Variants in CCND1 observed in about 807,000 individuals in gnomAD.
The protein encoded by CCND1 is G1/S-specific cyclin-D1.
In CCND1, 9 loss-of-function variants were observed where a neutral mutation model predicts 26.1. The ratio of observed to expected loss-of-function variants is 0.35; its 90% CI spans 0.21 to 0.60. The LOEUF (loss-of-function observed/expected upper bound fraction) is 0.60, where lower values mean the gene tolerates loss of function less well. Among genes scored for constraint, CCND1 ranks in the 20% least tolerant of loss-of-function variants. CCND1 has a pLI of 0.79. For synonymous variants in CCND1, 194 were observed against 166.1 expected (o/e 1.17, Z -1.29); for missense variants, 335 against 392.9 (o/e 0.85, Z 1.25).
rs1481186183 is a variant in CCND1, at chr11:69,654,470, C to T, written c.*3188C>T. ...AAGTCTAGAAATAAAACTGGTAAAA[C>T]CCCAGCGTGGTGCCTGCCTCTTTGC... is the stretch of plus-strand genomic sequence containing the variant. On this transcript the variant is annotated 3_prime_UTR_variant, in exon 5 of 5. Coordinates refer to ENST00000227507, the MANE Select transcript of CCND1 (RefSeq NM_053056.3). This position sits in a 1 kb window ranked among gnomAD's most constrained non-coding sequence, Gnocchi z 6.3. 2 of 646,696 alleles carry T rather than the reference C, an allele frequency of 3.1e-6. No homozygotes were observed. Among genetic ancestry groups the T allele is most frequent in the Non-Finnish European group, 5.6e-6 (2 of 355,008 alleles). The allele number at this position is 646,696 out of a possible 1,614,324, so 40.1% of individuals were successfully genotyped here.
At position 69,651,332 on chromosome 11, in the gene CCND1, G is replaced by A. The variant is rs745993963; in HGVS notation, c.*50G>A. ...CGCCACCCGCAGCGAGGGCGGAGCCGGCCCCAGGTGCTCCCCTGACAGTCC... is the reference window on the plus strand; with the variant it reads ...CGCCACCCGCAGCGAGGGCGGAGCCAGCCCCAGGTGCTCCCCTGACAGTCC... On this transcript the variant is annotated 3_prime_UTR_variant, in exon 5 of 5. Transcript: ENST00000227507. The A allele has an allele frequency of 5.9e-5, 83 of 1,398,008 alleles. 1 individual carries two copies. The highest frequency in any genetic ancestry group is 7.5e-5 in the Non-Finnish European group (80 of 1,068,666). The allele number at this position is 1,398,008 out of a possible 1,614,324, so 86.6% of individuals were successfully genotyped here. A position where few individuals can be genotyped will look rare whatever the true frequency, so the allele number is the denominator to read the frequency against.
rs969740984 is a variant in CCND1, at chr11:69,653,185, C to T, written c.*1903C>T. On this transcript the variant is annotated 3_prime_UTR_variant, in exon 5 of 5. Coordinates refer to ENST00000227507, the MANE Select transcript of CCND1 (RefSeq NM_053056.3). ...GGAGGAGGTGTGAGGAGGAGGCTCC[C>T]GAGGGGAAGGGGCGGTGCCCACACC... 8.2e-5 allele frequency: 54 copies of T among 661,700 alleles called. 1 individual carries two copies. The highest frequency in any genetic ancestry group is 1.3e-4 in the Non-Finnish European group (47 of 365,692). The allele number at this position is 661,700 out of a possible 1,614,324, so 41.0% of individuals were successfully genotyped here. A position where few individuals can be genotyped will look rare whatever the true frequency, so the allele number is the denominator to read the frequency against.
chr11:69,651,871 A>T lies in CCND1; in HGVS notation c.*589A>T, dbSNP rs1855860361. 8.6e-6 allele frequency: 2 copies of T among 233,130 alleles called. No homozygotes were observed. Among genetic ancestry groups the T allele is most frequent in the Non-Finnish European group, 1.7e-5 (2 of 117,978 alleles). The allele number at this position is 233,130 out of a possible 1,614,324, so 14.4% of individuals were successfully genotyped here. On this transcript the variant is annotated 3_prime_UTR_variant, in exon 5 of 5. Transcript: ENST00000227507. ...TTGCTCATATGCATGTAGTCACTTT[A>T]TAAGTCATTGTATGTTATTATATTC... is the stretch of plus-strand genomic sequence containing the variant.
intron 4 of CCND1, 69 bp from the exon 5 acceptor site, chr11:69,651,049 A>ACCT: frequency 6.8e-7 from 1 of 1,469,088 alleles, no homozygotes. Context: ...GCACCTGGGA[A>ACCT]GGGGCCCTCG....
At chr11:69,643,310 G>A (rs1855734619) in intron 2 of CCND1, 64 bp downstream of exon 2, 2 of 1,374,502 alleles carry the variant, frequency 1.5e-6, no homozygotes, top group Non-Finnish European at 2.0e-6. Flanking sequence ...CGGGGCCGGG[G>A]AAGGTGCAGG....
In CCND1 at chr11:69,652,468, C is replaced by T. The variant is rs757572186; in HGVS notation, c.*1186C>T. On this transcript the variant is annotated 3_prime_UTR_variant, in exon 5 of 5. Transcript: ENST00000227507. ...TGGAGGTGGGGTGTTTGGGAGGCTGCGTGCCAGTCAAGAAGAAAAAGGTTT... is the reference window on the plus strand; with the variant it reads ...TGGAGGTGGGGTGTTTGGGAGGCTGTGTGCCAGTCAAGAAGAAAAAGGTTT... 4.3e-5 allele frequency: 10 copies of T among 233,348 alleles called. No individual in the cohort carries two copies. Among genetic ancestry groups the T allele is most frequent in the Non-Finnish European group, 6.8e-5 (8 of 118,070 alleles). 14.5% of individuals were successfully genotyped at this position (233,348 alleles called of 1,614,324 possible).
chr11:69,643,023 C>T lies in CCND1; in HGVS notation c.199-8C>T, dbSNP rs1420743674. The T allele has an allele frequency of 1.3e-6, 2 of 1,565,858 alleles. No individual in the cohort carries two copies. Among genetic ancestry groups the T allele is most frequent in the Middle Eastern group, 1.8e-4 (1 of 5,710 alleles). On this transcript the variant is annotated splice_polypyrimidine_tract_variant and splice_region_variant and intron_variant, in intron 1 of 4. Coordinates refer to ENST00000227507, the MANE Select transcript of CCND1 (RefSeq NM_053056.3). The stretch of plus-strand genomic sequence containing the variant: ...GCGGCGGCGGTCACGGGCCCCGTGC[C>T]TCCGTAGGTCTGCGAGGAACAGAAG...
Position 69,648,016 on chromosome 11 carries a change from G to A in CCND1, c.597G>A (p.Pro199=), listed in dbSNP as rs150331368. ...CATDVKFISN[P]PSMVAAGSVV... ...CAGATGTGAAGTTCATTTCCAATCCGCCCTCCATGGTGGCAGCGGGGAGCG... is the reference window on the plus strand; with the variant it reads ...CAGATGTGAAGTTCATTTCCAATCCACCCTCCATGGTGGCAGCGGGGAGCG... Residue 199 remains proline, a synonymous_variant, in exon 4 of 5, where the codon CCG becomes CCA. Coordinates refer to ENST00000227507, the MANE Select transcript of CCND1 (RefSeq NM_053056.3). 8.6e-5 allele frequency: 138 copies of A among 1,613,906 alleles called. No homozygotes were observed. The East Asian group carries it at 2.6e-3, about 30-fold the overall frequency.
chr11:69,643,162 C>G lies in CCND1; in HGVS notation c.330C>G (p.Ala110=), dbSNP rs756875904. Residue 110 remains alanine, a synonymous_variant, in exon 2 of 5, where the codon GCC becomes GCG. Coordinates refer to ENST00000227507, the MANE Select transcript of CCND1 (RefSeq NM_053056.3). ...QLLGATCMFV[A]SKMKETIPLT... is the part of the protein sequence containing the mutation. ...TGGGGGCCACTTGCATGTTCGTGGCCTCTAAGATGAAGGAGACCATCCCCC... is the reference window on the plus strand; with the variant it reads ...TGGGGGCCACTTGCATGTTCGTGGCGTCTAAGATGAAGGAGACCATCCCCC... 6.2e-6 allele frequency: 10 copies of G among 1,609,246 alleles called. No individual in the cohort carries two copies. The South Asian group carries it at 1.1e-4, about 18-fold the overall frequency.
chr11:69,645,778 G>T lies in CCND1; in HGVS notation c.574+1787G>T, dbSNP rs1183741449. Among the ~76,000 whole-genome samples, 35 of 152,200 alleles carry T rather than the reference G, an allele frequency of 2.3e-4. 2 individuals are homozygous for T. Among genetic ancestry groups the T allele is most frequent in the Admixed American group, 2.2e-3 (34 of 15,286 alleles). Reference sequence around the variant, plus strand: ...TGTTTTTGCCCTCCACGTGGCAAAGGTTACATTTAAAGGTGATGCTGGGTG... The same window carrying T: ...TGTTTTTGCCCTCCACGTGGCAAAGTTTACATTTAAAGGTGATGCTGGGTG... On this transcript the variant is annotated intron_variant, in intron 3 of 4. Coordinates refer to ENST00000227507, the MANE Select transcript of CCND1 (RefSeq NM_053056.3).
chr11:69,649,195 C>T lies in CCND1; in HGVS notation c.723+1053C>T, dbSNP rs575869199. On this transcript the variant is annotated intron_variant, in intron 4 of 4. Coordinates refer to ENST00000227507, the MANE Select transcript of CCND1 (RefSeq NM_053056.3). Reference sequence around the variant, plus strand: ...AAATGGCTCAGAAACACCATCGAGGCCTCCAGAAGCCCAGCAAAGAGAAAG... The same window carrying T: ...AAATGGCTCAGAAACACCATCGAGGTCTCCAGAAGCCCAGCAAAGAGAAAG... Among the ~76,000 whole-genome samples the T allele has an allele frequency of 8.3e-4, 126 of 152,302 alleles. 1 individual carries two copies. In the Middle Eastern group the frequency reaches 0.02, roughly 25 times the overall value.
intron 3 of CCND1, among the ~76,000 whole-genome samples, chr11:69,646,789 A>G (rs1212151826): frequency 6.6e-6 from 1 of 152,152 alleles, no homozygotes; most frequent in Non-Finnish European, 1.5e-5. Context: ...CCCGCCACAA[A>G]CCAGGACGTA....
In CCND1 at chr11:69,643,059, A is replaced by T. The variant is rs1855730252; in HGVS notation, c.227A>T (p.Glu76Val). ...TGCGAGGAACAGAAGTGCGAGGAGGAGGTCTTCCCGCTGGCCATGAACTAC... is the reference window on the plus strand; with the variant it reads ...TGCGAGGAACAGAAGTGCGAGGAGGTGGTCTTCCCGCTGGCCATGAACTAC... ...EVCEEQKCEEEVFPLAMNYLD... is the reference protein window; with the variant it reads ...EVCEEQKCEEVVFPLAMNYLD... The change falls in exon 2 of 5, where the codon GAG becomes GTG. Residue 76 changes from glutamate (E) to valine (V), a missense_variant. Physicochemically the swap from Glu to Val is moderately radical, Grantham distance 121. Coordinates refer to ENST00000227507, the MANE Select transcript of CCND1 (RefSeq NM_053056.3). 1.2e-6 allele frequency: 2 copies of T among 1,605,374 alleles called. No homozygotes were observed. The highest frequency in any genetic ancestry group is 1.7e-6 in the Non-Finnish European group (2 of 1,176,456).
rs371075537 is a variant in CCND1 at position 69,641,542 on chromosome 11, T to C, written c.198+31T>C. 75 of 1,603,938 alleles carry C rather than the reference T, an allele frequency of 4.7e-5. No individual in the cohort carries two copies. The African/African-American group carries it at 9.1e-4, about 19-fold the overall frequency. ...GGGCTTCGGGCGGCTCTCTTAAGAC[T>C]TCCCTGCAACTTGTTGCCCAGACCC... On this transcript the variant is annotated intron_variant, in intron 1 of 4. Transcript: ENST00000227507.
rs1855695768 is a variant in CCND1, at chr11:69,641,292, C to T, written c.-22C>T. On this transcript the variant is annotated 5_prime_UTR_variant, in exon 1 of 5. Coordinates refer to ENST00000227507, the MANE Select transcript of CCND1 (RefSeq NM_053056.3). ...AGCCAGGACCCACAGCCCTCCCCAG[C>T]TGCCCAGGAAGAGCCCCAGCCATGG... The T allele has an allele frequency of 1.2e-6, 2 of 1,605,828 alleles. No homozygotes were observed. Among genetic ancestry groups the T allele is most frequent in the Non-Finnish European group, 1.7e-6 (2 of 1,178,286 alleles).
rs2120080068 is a variant in CCND1 at position 69,641,366 on chromosome 11, C to G, written c.53C>G (p.Pro18Arg). 6.2e-7 allele frequency: 1 copy of G among 1,613,302 alleles called. No homozygotes were observed. The highest frequency in any genetic ancestry group is 8.5e-7 in the Non-Finnish European group (1 of 1,180,026). The stretch of plus-strand genomic sequence containing the variant: ...GTGGAAACCATCCGCCGCGCGTACC[C>G]CGATGCCAACCTCCTCAACGACCGG... Reference protein sequence around the residue: ...CEVETIRRAYPDANLLNDRVL... With the variant: ...CEVETIRRAYRDANLLNDRVL... The change falls in exon 1 of 5, where the codon CCC (proline) becomes CGC (arginine). Residue 18 changes from proline to arginine, a missense_variant. Transcript: ENST00000227507.
chr11:69,648,872 G>A (rs1164222256), intron 4 of CCND1, among the ~76,000 whole-genome samples: 2 of 151,582 alleles, frequency 1.3e-5, no homozygotes, highest in East Asian at 3.9e-4. Flanking sequence ...GTCTGCCCTC[G>A]AGCCTCCCGG....
intron 4 of CCND1, among the ~76,000 whole-genome samples, chr11:69,648,548 G>A (rs555517883): frequency 2.2e-4 from 33 of 152,370 alleles, no homozygotes; most frequent in African/African-American, 7.2e-4. Flanking sequence ...TGTGAGGTCC[G>A]AGACACCGGA....
intron 3 of CCND1, among the ~76,000 whole-genome samples, chr11:69,647,077 C>T (rs563878618): frequency 1.5e-4 from 23 of 152,272 alleles, no homozygotes; most frequent in East Asian, 1.2e-3. Context: ...TCCTGGGGCC[C>T]GGCTCCCGGC....
Sources: allele counts gnomAD v4.1 joint callset (sites outside exome capture counted in the v4.1 genomes callset), GRCh38; gene constraint gnomAD v4.1.1; non-coding constraint Gnocchi (gnomAD v3.1); transcripts MANE v1.5; gene names NCBI Gene and HGNC (gene_info 2026-07-23, HGNC 2026-07-21).